ABI2: variants seen among roughly 807,000 people sequenced by gnomAD.
ABI2 encodes abelson interactor 2.
A neutral mutation model predicts 59.2 loss-of-function variants in ABI2; 25 were observed. The observed-to-expected ratio is 0.42, with a 90% confidence interval of 0.31 to 0.59. The LOEUF (loss-of-function observed/expected upper bound fraction) is 0.59. ABI2 is among the 20% of genes least tolerant of loss of function. The pLI is 0.14. For synonymous variants in ABI2, 213 were observed against 235.5 expected (o/e 0.90, Z 0.87); for missense variants, 545 against 681.8 (o/e 0.80, Z 2.23).
chr2:203,380,900 G>A (rs879384081), intron 3 of ABI2, among the ~76,000 whole-genome samples: 3 of 152,124 alleles, frequency 2.0e-5, no homozygotes, highest in Non-Finnish European at 4.4e-5. Flanking sequence ...TGAGTGTGTA[G>A]CTATTACATA....
chr2:203,419,409 C>T (rs2153564509), intron 11 of ABI2, among the ~76,000 whole-genome samples: 1 of 150,370 alleles, frequency 6.7e-6, no homozygotes, highest in Admixed American at 6.6e-5. Context: ...CGCTCTGTCG[C>T]CCAGGCTGGA....
chr2:203,419,923 G>C (rs898776990), intron 11 of ABI2, among the ~76,000 whole-genome samples: 1 of 152,162 alleles, frequency 6.6e-6, no homozygotes, highest in Non-Finnish European at 1.5e-5. Flanking sequence ...CAGAGGCGGA[G>C]GTTGGGGAGA....
chr2:203,338,928 GTATA>G (rs1174151663), intron 1 of ABI2, among the ~76,000 whole-genome samples: 645 of 4,336 alleles, frequency 0.15, 47 homozygotes, highest in African/African-American at 0.26. Flanking sequence ...GTGTGTGTGT[GTATA>G]TGTATATATA....
chr2:203,348,155 C>T (rs974953021), intron 1 of ABI2, among the ~76,000 whole-genome samples: 2 of 152,096 alleles, frequency 1.3e-5, no homozygotes, highest in Admixed American at 6.6e-5. Flanking sequence ...GCAGGAGAAT[C>T]GCTTGAACCC....
At chr2:203,349,738 A>G (rs62183943) in intron 1 of ABI2, among the ~76,000 whole-genome samples, 7,983 of 151,412 alleles carry the variant, frequency 0.053, 285 homozygotes, top group Non-Finnish European at 0.083. Context: ...CGGCTGAATA[A>G]TATTCTAGTA....
intron 1 of ABI2, among the ~76,000 whole-genome samples, chr2:203,353,192 T>C (rs2152778294): frequency 6.6e-6 from 1 of 152,384 alleles, no homozygotes; most frequent in South Asian, 2.1e-4. Context: ...ATGGAATTTG[T>C]AATTTTTTTT....
At chr2:203,372,557 GC>G (rs2095327790) in intron 2 of ABI2, among the ~76,000 whole-genome samples, 2 of 148,502 alleles carry the variant, frequency 1.3e-5, no homozygotes, top group Admixed American at 1.3e-4. Flanking sequence ...CGGGCGGGGG[GC>G]TGACCCCCCC....
chr2:203,372,081 C>G (rs866759849), intron 2 of ABI2, among the ~76,000 whole-genome samples: 1 of 151,840 alleles, frequency 6.6e-6, no homozygotes, highest in African/African-American at 2.4e-5. Flanking sequence ...TGCGGCCTTC[C>G]GCAGTGTTTG....
At chr2:203,336,655 T>G (rs936041946) in intron 1 of ABI2, among the ~76,000 whole-genome samples, 2 of 152,186 alleles carry the variant, frequency 1.3e-5, no homozygotes, top group African/African-American at 4.8e-5. Context: ...TATGTTGTAG[T>G]CACCTGGCTC....
intron 2 of ABI2, among the ~76,000 whole-genome samples, chr2:203,370,077 G>A (rs2094971137): frequency 6.6e-6 from 1 of 151,920 alleles, no homozygotes; most frequent in Non-Finnish European, 1.5e-5. Flanking sequence ...ATAGGGGTTG[G>A]CAAACTTTTC....
intron 2 of ABI2, among the ~76,000 whole-genome samples, chr2:203,374,453 C>T (rs993477203): frequency 4.9e-5 from 7 of 143,456 alleles, no homozygotes; most frequent in African/African-American, 1.0e-4. Context: ...GAGCTGAGAT[C>T]GTGCCACTGC....
intron 1 of ABI2, among the ~76,000 whole-genome samples, chr2:203,331,414 G>A (rs951356483): frequency 2.5e-5 from 3 of 122,382 alleles, no homozygotes; most frequent in African/African-American, 9.0e-5. Context: ...GTGTAGTGGC[G>A]CGATCTCGAT....
At chr2:203,420,517 C>T (rs900181996) in intron 11 of ABI2, among the ~76,000 whole-genome samples, 2 of 151,958 alleles carry the variant, frequency 1.3e-5, no homozygotes, top group Admixed American at 1.3e-4. Context: ...CCTCAGCCTC[C>T]TGAGTAGGTG....
At chr2:203,351,900 C>T (rs2088859573) in intron 1 of ABI2, among the ~76,000 whole-genome samples, 1 of 152,106 alleles carries the variant, frequency 6.6e-6, no homozygotes, top group African/African-American at 2.4e-5. Flanking sequence ...CAATGATGGA[C>T]AGCATATATG....
chr2:203,369,073 C>T (rs2153033080), intron 2 of ABI2, among the ~76,000 whole-genome samples: 1 of 131,740 alleles, frequency 7.6e-6, no homozygotes, highest in South Asian at 2.5e-4. Flanking sequence ...TGGGCTCAAG[C>T]AGTCTCCCAC....
chr2:203,402,615 C>T lies in ABI2; in HGVS notation c.1073C>T (p.Ser358Phe). The T allele has an allele frequency of 6.2e-7, 1 of 1,600,866 alleles. No individual in the cohort carries two copies. Among genetic ancestry groups the T allele is most frequent in the Non-Finnish European group, 8.5e-7 (1 of 1,175,410 alleles). ...VQFYSMNRPA[S>F]RHTPPTIGGS... The stretch of plus-strand genomic sequence containing the variant: ...TTCTACAGCATGAATAGGCCTGCCT[C>T]TCGCCATACTCCCCCAACAATAGGG... Residue 358 changes from serine (S) to phenylalanine (F), a missense_variant, in exon 9 of 12, where the codon TCT (serine) becomes TTT (phenylalanine). By Grantham distance (155) the Ser-to-Phe change is radical. Around this residue, in one of 4 missense-constraint regions of ABI2, gnomAD observed 410 missense variants for 435.6 expected, o/e 0.94. Transcript: ENST00000261018.
At chr2:203,397,169 A>G (rs1051845347) in intron 8 of ABI2, among the ~76,000 whole-genome samples, 2 of 152,178 alleles carry the variant, frequency 1.3e-5, no homozygotes, top group African/African-American at 2.4e-5. Flanking sequence ...CATTTTTCCA[A>G]TAGGGTAGCA....
At position 203,430,499 on chromosome 2, in the gene ABI2, T is replaced by TA. The variant is rs1282505619; in HGVS notation, c.*3148dup. ...TACACTTTATTGTTGCCTTTGAACT[T>TA]ACGGCCAAGGCAATAAATCAGAAAC... On this transcript the variant is annotated 3_prime_UTR_variant, in exon 12 of 12. Transcript: ENST00000261018. The TA allele has an allele frequency of 1.3e-5, 2 of 152,214 alleles. No individual in the cohort carries two copies. The highest frequency in any genetic ancestry group is 6.5e-5 in the Admixed American group (1 of 15,292). The allele number at this position is 152,214 out of a possible 1,614,324, so 9.4% of individuals were successfully genotyped here.
intron 1 of ABI2, among the ~76,000 whole-genome samples, chr2:203,334,949 C>T (rs1015615721): frequency 6.6e-6 from 1 of 152,128 alleles, no homozygotes; most frequent in Admixed American, 6.6e-5. Context: ...CGTAAGCCAC[C>T]GTGCCTGGCC....
Sources: allele counts gnomAD v4.1 joint callset (sites outside exome capture counted in the v4.1 genomes callset), GRCh38; gene constraint gnomAD v4.1.1; regional missense constraint gnomAD v4.1.1; transcripts MANE v1.5; gene names NCBI Gene and HGNC (gene_info 2026-07-23, HGNC 2026-07-21).